Variants in CORIN observed in about 807,000 individuals in gnomAD.
CORIN encodes the protein corin, serine peptidase.
In CORIN, 117 loss-of-function variants were observed where a neutral mutation model predicts 125.3. That is an observed-to-expected ratio of 0.93 (90% CI 0.80 to 1.09). The LOEUF (loss-of-function observed/expected upper bound fraction) is 1.09. Ranked by LOEUF, CORIN falls within the 50% of genes least tolerant of loss-of-function variation. The pLI, the probability that CORIN is intolerant of heterozygous loss-of-function variation, is 0.00. For synonymous variants in CORIN, 450 were observed against 466.4 expected (o/e 0.96, Z 0.45); for missense variants, 1,253 against 1,306.7 (o/e 0.96, Z 0.63).
intron 5 of CORIN, among the ~76,000 whole-genome samples, chr4:47,740,915 T>A (rs935765550): frequency 4.6e-5 from 7 of 151,904 alleles, no homozygotes; most frequent in Non-Finnish European, 1.0e-4. Context: ...ATGAAAGAAG[T>A]TGGACTCCTA....
intron 13 of CORIN, among the ~76,000 whole-genome samples, chr4:47,650,223 G>T (rs1723678796): frequency 6.6e-6 from 1 of 152,182 alleles, no homozygotes; most frequent in African/African-American, 2.4e-5. Context: ...GTCATCTGAA[G>T]ATAAACAGAA....
chr4:47,618,952 T>G (rs1290469531), intron 19 of CORIN, among the ~76,000 whole-genome samples: 3 of 152,008 alleles, frequency 2.0e-5, no homozygotes, highest in African/African-American at 7.3e-5. Context: ...AATCAAGACA[T>G]GGGTGACATG....
intron 4 of CORIN, among the ~76,000 whole-genome samples, chr4:47,756,973 G>C (rs1729175138): frequency 6.6e-6 from 1 of 151,994 alleles, no homozygotes; most frequent in Admixed American, 6.6e-5. Context: ...AGGTCTCAAA[G>C]GAATCAAGTT....
chr4:47,665,229 C>G lies in CORIN; in HGVS notation c.1392G>C (p.Met464Ile). Residue 464 changes from methionine to isoleucine, a missense_variant, in exon 11 of 22, where the codon ATG becomes ATC. Coordinates refer to ENST00000273857, the MANE Select transcript of CORIN (RefSeq NM_006587.4). ...AACTTGTACTGTTGTAGGGCAAATT[C>G]ATGCAGAGTTCCAATGTAATTGGTT... is the stretch of plus-strand genomic sequence containing the variant. ...QCEPITLELC[M>I]NLPYNSTSYP... 6.2e-7 allele frequency: 1 copy of G among 1,613,798 alleles called. No homozygotes were observed. The highest frequency in any genetic ancestry group is 8.5e-7 in the Non-Finnish European group (1 of 1,179,808).
chr4:47,747,409 G>A (rs1728709347), intron 4 of CORIN, among the ~76,000 whole-genome samples: 1 of 152,032 alleles, frequency 6.6e-6, no homozygotes, highest in Admixed American at 6.5e-5. Flanking sequence ...TTTTGAAGAT[G>A]AGAAAGATGT....
chr4:47,804,088 A>G (rs773430760), intron 2 of CORIN, among the ~76,000 whole-genome samples: 2 of 152,248 alleles, frequency 1.3e-5, no homozygotes, highest in African/African-American at 2.4e-5. Flanking sequence ...CAAATGGCAA[A>G]TAAGCATATG....
At chr4:47,608,385 T>A (rs1721744126) in intron 19 of CORIN, among the ~76,000 whole-genome samples, 1 of 152,006 alleles carries the variant, frequency 6.6e-6, no homozygotes, top group African/African-American at 2.4e-5. Flanking sequence ...CAGCTGAAAA[T>A]CTTCAGTTTA....
chr4:47,721,884 TTTTG>T lies in CORIN; in HGVS notation c.799+22514_799+22517del, dbSNP rs1213741603. On this transcript the variant is annotated intron_variant, in intron 5 of 21. Transcript: ENST00000273857. ...GCAAAGTCTGGCCATCGTTTCTTCA[TTTTG>T]TTTGTTTTATTCTGTTACTACCTTA... Among the ~76,000 whole-genome samples the T allele has an allele frequency of 4.6e-5, 7 of 152,338 alleles. 1 individual carries two copies. Among genetic ancestry groups the T allele is most frequent in the Admixed American group, 2.6e-4 (4 of 15,296 alleles).
chr4:47,772,795 T>C (rs10007715), intron 3 of CORIN, among the ~76,000 whole-genome samples: 8,618 of 152,272 alleles, frequency 0.057, 748 homozygotes, highest in African/African-American at 0.19. Context: ...TTATCTCATT[T>C]GTGACTCACA....
Position 47,692,963 on chromosome 4 carries a change from C to T in CORIN, c.913+7G>A. On this transcript the variant is annotated splice_region_variant and intron_variant, in intron 6 of 21. Coordinates refer to ENST00000273857, the MANE Select transcript of CORIN (RefSeq NM_006587.4). ...CTCAGACAAACCCTAAACAGCTTGT[C>T]ACATACTGCAATGAGCCTCGTCACT... is the stretch of plus-strand genomic sequence containing the variant. 3 of 1,603,222 alleles carry T rather than the reference C, an allele frequency of 1.9e-6. No homozygotes were observed. The highest frequency in any genetic ancestry group is 2.6e-6 in the Non-Finnish European group (3 of 1,170,170).
chr4:47,623,117 T>TATATATATACACACAC (rs141525347), intron 19 of CORIN, among the ~76,000 whole-genome samples: 3 of 134,522 alleles, frequency 2.2e-5, no homozygotes, highest in East Asian at 2.3e-4. Flanking sequence ...TATATATATA[T>TATATATATACACACAC]ACACACACAC....
At chr4:47,835,794 T>C (rs1488413970) in intron 1 of CORIN, among the ~76,000 whole-genome samples, 4 of 152,212 alleles carry the variant, frequency 2.6e-5, no homozygotes, top group African/African-American at 7.2e-5. Context: ...GCTGTTGCTA[T>C]TGTGATTTCT....
At chr4:47,795,370 G>T (rs1731247989) in intron 2 of CORIN, among the ~76,000 whole-genome samples, 1 of 151,984 alleles carries the variant, frequency 6.6e-6, no homozygotes, top group South Asian at 2.1e-4. Context: ...GATCACTCTG[G>T]GTAGTATGGA....
intron 2 of CORIN, 109 bp from the exon 3 acceptor site, chr4:47,787,034 C>G: frequency 1.3e-6 from 1 of 777,728 alleles, no homozygotes; most frequent in Non-Finnish European, 2.0e-6. Flanking sequence ...CTATGTCATT[C>G]TAACCAGGTA....
Position 47,765,485 on chromosome 4 carries a change from T to G in CORIN, c.410-1899A>C, listed in dbSNP as rs530856892. Among the ~76,000 whole-genome samples the G allele has an allele frequency of 1.8e-3, 277 of 152,318 alleles. 1 individual carries two copies. Among genetic ancestry groups the G allele is most frequent in the African/African-American group, 5.8e-3 (243 of 41,568 alleles). On this transcript the variant is annotated intron_variant, in intron 3 of 21. Coordinates refer to ENST00000273857, the MANE Select transcript of CORIN (RefSeq NM_006587.4). Reference sequence around the variant, plus strand: ...TCAACTTTTTGCTATTATATTGCTGTAATAAGTAACCTGTACATATGCCTG... The same window carrying G: ...TCAACTTTTTGCTATTATATTGCTGGAATAAGTAACCTGTACATATGCCTG...
chr4:47,662,475 T>C (rs192270461), intron 11 of CORIN, among the ~76,000 whole-genome samples: 51 of 152,304 alleles, frequency 3.3e-4, no homozygotes, highest in African/African-American at 1.1e-3. Flanking sequence ...ATCAGGTGCT[T>C]TCGTGCGTAT....
chr4:47,599,409 C>A (rs1721366166), intron 21 of CORIN, among the ~76,000 whole-genome samples: 1 of 151,982 alleles, frequency 6.6e-6, no homozygotes, highest in Non-Finnish European at 1.5e-5. Context: ...ACTGTTGTAT[C>A]TTTTCTTCAT....
At chr4:47,762,682 T>C (rs1345555900) in intron 4 of CORIN, among the ~76,000 whole-genome samples, 1 of 152,182 alleles carries the variant, frequency 6.6e-6, no homozygotes, top group Non-Finnish European at 1.5e-5. Context: ...TTTGAACTGA[T>C]GAGATTTAGT....
intron 19 of CORIN, among the ~76,000 whole-genome samples, chr4:47,606,823 C>A (rs1448146666): frequency 6.6e-6 from 1 of 151,984 alleles, no homozygotes; most frequent in Non-Finnish European, 1.5e-5. Flanking sequence ...AAGTGCATTA[C>A]CATCTGAGAA....
Sources: gnomAD v4.1 joint callset for allele counts (sites outside exome capture counted in the v4.1 genomes callset) on GRCh38, gnomAD v4.1.1 for gene constraint, MANE v1.5 for transcripts, NCBI Gene and HGNC (gene_info 2026-07-23, HGNC 2026-07-21) for gene names.